RHOBTB2: variants seen among roughly 807,000 people sequenced by gnomAD.
RHOBTB2 encodes rho-related BTB domain-containing protein 2.
In RHOBTB2, 39 loss-of-function variants were observed where a neutral mutation model predicts 66.5. That is an observed-to-expected ratio of 0.59 (90% CI 0.45 to 0.77). The LOEUF (loss-of-function observed/expected upper bound fraction) is 0.77. RHOBTB2 is among the 30% of genes least tolerant of loss of function. The pLI, the probability that RHOBTB2 is intolerant of heterozygous loss-of-function variation, is 0.00. For missense variants in RHOBTB2, 755 were observed against 999.1 expected (o/e 0.76, Z 3.29); for synonymous variants, 390 against 395.0 (o/e 0.99, Z 0.15).
the RHOBTB2 span, among the ~76,000 whole-genome samples, chr8:22,976,893 TAGGATTAC>T: frequency 6.6e-6 from 1 of 151,708 alleles, no homozygotes; most frequent in East Asian, 2.0e-4. Flanking sequence ...CCCAAAGTGC[TAGGATTAC>T]AGGCGTGAGC....
Position 23,006,325 on chromosome 8 carries a change from T to A in RHOBTB2, c.482+180T>A, listed in dbSNP as rs549807600. The A allele has an allele frequency of 3.5e-5, 21 of 604,394 alleles. No individual in the cohort carries two copies. The East Asian group carries it at 4.7e-4, about 13-fold the overall frequency. 37.4% of individuals were successfully genotyped at this position (604,394 alleles called of 1,614,324 possible). A position where few individuals can be genotyped will look rare whatever the true frequency, so the allele number is the denominator to read the frequency against. ...CATTCATATACCTGTTGCACACCTC[T>A]GGTGTGGGCAGTGCTATGTAAAGCA... On this transcript the variant is annotated intron_variant, in intron 4 of 9. Transcript: ENST00000251822. The surrounding 1 kb of genome is among the most constrained non-coding windows in gnomAD (Gnocchi z 6.1).
chr8:22,974,990 A>C, the RHOBTB2 span, among the ~76,000 whole-genome samples: 1 of 151,978 alleles, frequency 6.6e-6, no homozygotes, highest in Non-Finnish European at 1.5e-5. Context: ...TCTTTCTATC[A>C]TCTCCCTGGA....
chr8:22,962,179 C>CAAAAAAAAAAAAAAAA, the RHOBTB2 span, among the ~76,000 whole-genome samples: 31 of 13,836 alleles, frequency 2.2e-3, no homozygotes, highest in South Asian at 8.8e-3. Flanking sequence ...AACGAATTTA[C>CAAAAAAAAAAAAAAAA]AAAAAAAAAA....
chr8:23,008,134 G>A (rs1414189086), intron 6 of RHOBTB2, 23 bp downstream of exon 6: 9 of 1,511,574 alleles, frequency 6.0e-6, no homozygotes, highest in African/African-American at 1.4e-5. Context: ...ACACAAAGGG[G>A]GGAAGGAGGG....
chr8:23,012,116 A>T (rs1811166308), intron 7 of RHOBTB2, among the ~76,000 whole-genome samples: 1 of 152,188 alleles, frequency 6.6e-6, no homozygotes, highest in Non-Finnish European at 1.5e-5. Context: ...GCTGTCCATA[A>T]AAAAATGGTG....
the RHOBTB2 span, among the ~76,000 whole-genome samples, chr8:22,974,023 A>G: frequency 2.0e-5 from 3 of 151,588 alleles, no homozygotes; most frequent in East Asian, 5.8e-4. Context: ...GCTGGGAGCC[A>G]TGTGATCACT....
At chr8:22,953,476 A>G in the RHOBTB2 span, among the ~76,000 whole-genome samples, 1 of 152,226 alleles carries the variant, frequency 6.6e-6, no homozygotes, top group Non-Finnish European at 1.5e-5. Flanking sequence ...TCTGCCTGAC[A>G]ATATCAGACC....
upstream of RHOBTB2, chr8:22,995,944 T>C (rs1810540831): frequency 1.3e-6 from 2 of 1,488,960 alleles, no homozygotes; most frequent in Admixed American, 2.0e-5. Context: ...AAGGTGCAGG[T>C]TGGAGGATGG....
At chr8:22,955,529 A>G in the RHOBTB2 span, among the ~76,000 whole-genome samples, 92 of 151,264 alleles carry the variant, frequency 6.1e-4, no homozygotes, top group East Asian at 0.018. Flanking sequence ...TGTGGAAACC[A>G]GGATCTCATC....
rs903316625 is a variant in RHOBTB2 at position 23,017,840 on chromosome 8, T to A, written c.*371T>A. ...GCTCTGGCCAGGGAGGCAGCCCCAC[T>A]CCCAGCAAGCAGAAGTGATCCTCGA... On this transcript the variant is annotated 3_prime_UTR_variant, in exon 10 of 10. Coordinates refer to ENST00000251822, the MANE Select transcript of RHOBTB2 (RefSeq NM_015178.3). This position sits in a 1 kb window ranked among gnomAD's most constrained non-coding sequence, Gnocchi z 5.3. 2.2e-5 allele frequency: 5 copies of A among 231,066 alleles called. No individual in the cohort carries two copies. The highest frequency in any genetic ancestry group is 4.9e-5 in the Admixed American group (1 of 20,222). 14.3% of individuals were successfully genotyped at this position (231,066 alleles called of 1,614,324 possible).
At chr8:23,014,024 T>G (rs1415327045) in intron 7 of RHOBTB2, among the ~76,000 whole-genome samples, 1 of 152,196 alleles carries the variant, frequency 6.6e-6, no homozygotes, top group Non-Finnish European at 1.5e-5. Flanking sequence ...AGTCCTAGTT[T>G]CTTGTGTTGG....
At chr8:22,950,982 A>G in the RHOBTB2 span, among the ~76,000 whole-genome samples, 1 of 152,090 alleles carries the variant, frequency 6.6e-6, no homozygotes, top group Non-Finnish European at 1.5e-5. Context: ...CTGCAGCTCT[A>G]TTTTATAGGC....
Position 23,004,336 on chromosome 8 carries a change from C to A in RHOBTB2, c.-10-89C>A. The A allele has an allele frequency of 1.8e-6, 2 of 1,142,698 alleles. No homozygotes were observed. The highest frequency in any genetic ancestry group is 1.5e-5 in the African/African-American group (1 of 65,718). The allele number at this position is 1,142,698 out of a possible 1,614,324, so 70.8% of individuals were successfully genotyped here. On this transcript the variant is annotated intron_variant, in intron 1 of 9. Coordinates refer to ENST00000251822, the MANE Select transcript of RHOBTB2 (RefSeq NM_015178.3). The surrounding 1 kb of genome is among the most constrained non-coding windows in gnomAD (Gnocchi z 6.4). ...GCTCCGGGGCTTGCAGAGGGGGCAG[C>A]CTGGCTGAGGAGAGCTGCGGGTGCT... is the stretch of plus-strand genomic sequence containing the variant.
the RHOBTB2 span, among the ~76,000 whole-genome samples, chr8:22,966,418 C>CA: frequency 6.6e-6 from 1 of 151,510 alleles, no homozygotes; most frequent in Non-Finnish European, 1.5e-5. Flanking sequence ...ACAACCCAAG[C>CA]AAAAAACGGG....
intron 2 of RHOBTB2, among the ~76,000 whole-genome samples, chr8:22,992,390 G>A (rs532284959): frequency 6.6e-6 from 1 of 152,268 alleles, no homozygotes; most frequent in Admixed American, 6.5e-5. Flanking sequence ...TTTATTTTGG[G>A]GTGATCAGCC....
At chr8:22,990,231 T>C (rs959675263) in intron 1 of RHOBTB2, among the ~76,000 whole-genome samples, 1 of 152,178 alleles carries the variant, frequency 6.6e-6, no homozygotes, top group Non-Finnish European at 1.5e-5. Flanking sequence ...ACAAGTCTCA[T>C]ATTTTTCAGA....
At position 23,017,588 on chromosome 8, in the gene RHOBTB2, A is replaced by G. The variant is rs1177341676; in HGVS notation, c.*119A>G. 17 of 1,450,440 alleles carry G rather than the reference A, an allele frequency of 1.2e-5. No individual in the cohort carries two copies. Among genetic ancestry groups the G allele is most frequent in the Non-Finnish European group, 1.3e-5 (14 of 1,081,330 alleles). The allele number at this position is 1,450,440 out of a possible 1,614,324, so 89.8% of individuals were successfully genotyped here. The stretch of plus-strand genomic sequence containing the variant: ...CAGGGGGCCCACGTAACCAGGACCC[A>G]GAGGGTGGAGCTCTTCTTACCAGCC... On this transcript the variant is annotated 3_prime_UTR_variant, in exon 10 of 10. Transcript: ENST00000251822. This position sits in a 1 kb window ranked among gnomAD's most constrained non-coding sequence, Gnocchi z 5.3.
chr8:23,008,362 C>T (rs113252768), intron 6 of RHOBTB2, among the ~76,000 whole-genome samples: 36 of 152,220 alleles, frequency 2.4e-4, no homozygotes, highest in African/African-American at 7.9e-4. Flanking sequence ...TAAATTCACA[C>T]GCAACGTACA....
chr8:22,963,176 GA>G, the RHOBTB2 span, among the ~76,000 whole-genome samples: 10 of 152,324 alleles, frequency 6.6e-5, no homozygotes, highest in East Asian at 1.9e-4. Flanking sequence ...AGAAAGATGA[GA>G]AAGCCTCTTG....
Sources: gnomAD v4.1 joint callset for allele counts (sites outside exome capture counted in the v4.1 genomes callset) on GRCh38, gnomAD v4.1.1 for gene constraint, Gnocchi (gnomAD v3.1) non-coding constraint, MANE v1.5 for transcripts, NCBI Gene and HGNC (gene_info 2026-07-23, HGNC 2026-07-21) for gene names.